The following EPHA3 variants were observed in gnomAD, a reference collection of about 807,000 sequenced individuals.
The protein encoded by EPHA3 is ephrin type-A receptor 3.
In EPHA3, 42 loss-of-function variants were observed where a neutral mutation model predicts 107.1. The observed-to-expected ratio is 0.39, with a 90% CI of 0.31 to 0.51. The LOEUF is 0.51. Among genes scored for constraint, EPHA3 ranks in the 20% least tolerant of loss-of-function variants. The pLI is 0.78. For synonymous variants in EPHA3, 461 were observed against 424.8 expected (o/e 1.09, Z -1.05); for missense variants, 1,183 against 1,211.2 (o/e 0.98, Z 0.35).
chr3:89,208,588 G>A (rs1281988009), intron 2 of EPHA3, among the ~76,000 whole-genome samples: 2 of 114,246 alleles, frequency 1.8e-5, no homozygotes, highest in Non-Finnish European at 4.0e-5. Context: ...AAGAAAGAAA[G>A]AAAGGGAAGG....
At chr3:89,370,999 C>T (rs960627793) in intron 5 of EPHA3, among the ~76,000 whole-genome samples, 1 of 151,538 alleles carries the variant, frequency 6.6e-6, no homozygotes, top group African/African-American at 2.4e-5. Context: ...AATAAAAGAA[C>T]TACCAAGGAA....
intron 2 of EPHA3, among the ~76,000 whole-genome samples, chr3:89,179,013 A>C (rs1705380012): frequency 6.6e-6 from 1 of 151,836 alleles, no homozygotes; most frequent in Non-Finnish European, 1.5e-5. Context: ...TAAAAGCAAA[A>C]TGGTACAAAC....
chr3:89,345,500 C>A (rs1193965123), intron 5 of EPHA3, among the ~76,000 whole-genome samples: 1 of 151,042 alleles, frequency 6.6e-6, no homozygotes, highest in African/African-American at 2.4e-5. Flanking sequence ...ATTCCACGTG[C>A]TTTATCCGTC....
intron 2 of EPHA3, among the ~76,000 whole-genome samples, chr3:89,144,882 AAT>A: frequency 6.6e-6 from 1 of 151,858 alleles, no homozygotes; most frequent in East Asian, 1.9e-4. Flanking sequence ...TACCAATTGA[AAT>A]ATACCAGTTT....
chr3:89,340,777 A>T, intron 3 of EPHA3, 139 bp from the exon 4 acceptor site: 2 of 841,712 alleles, frequency 2.4e-6, no homozygotes, highest in Non-Finnish European at 1.7e-6. Flanking sequence ...AGGCTCTGTC[A>T]TTTGCTTCTG....
intron 3 of EPHA3, among the ~76,000 whole-genome samples, chr3:89,322,049 A>G (rs1458533728): frequency 2.0e-5 from 3 of 151,986 alleles, no homozygotes; most frequent in East Asian, 1.9e-4. Context: ...GATTATTCAA[A>G]TGAGTCTACT....
At chr3:89,318,235 A>G (rs1263200423) in intron 3 of EPHA3, among the ~76,000 whole-genome samples, 1 of 151,912 alleles carries the variant, frequency 6.6e-6, no homozygotes, top group Non-Finnish European at 1.5e-5. Flanking sequence ...AGAAAGCCAT[A>G]TTGTTGATGA....
chr3:89,191,052 T>A (rs7637578), intron 2 of EPHA3, among the ~76,000 whole-genome samples: 21,584 of 152,076 alleles, frequency 0.14, 1,676 homozygotes, highest in African/African-American at 0.21. Context: ...CATTTTATTC[T>A]TTTTATTGGA....
chr3:89,322,272 G>T (rs1388361935), intron 3 of EPHA3, among the ~76,000 whole-genome samples: 1 of 152,048 alleles, frequency 6.6e-6, no homozygotes, highest in Admixed American at 6.6e-5. Context: ...GCCAATTATT[G>T]CCATATGTGA....
chr3:89,132,356 T>A (rs1182249702), intron 2 of EPHA3, among the ~76,000 whole-genome samples: 3 of 152,188 alleles, frequency 2.0e-5, no homozygotes, highest in Non-Finnish European at 4.4e-5. Context: ...GGATAGAATG[T>A]TTTATCTTTG....
chr3:89,146,358 CA>C (rs370535496), intron 2 of EPHA3, among the ~76,000 whole-genome samples: 19 of 150,942 alleles, frequency 1.3e-4, no homozygotes, highest in East Asian at 5.9e-4. Flanking sequence ...TCAGATAGGC[CA>C]AAAAAAAGTC....
chr3:89,326,702 G>T (rs1707173114), intron 3 of EPHA3, among the ~76,000 whole-genome samples: 1 of 146,564 alleles, frequency 6.8e-6, no homozygotes, highest in Admixed American at 6.9e-5. Context: ...TGACTAGCCA[G>T]TTTTTTTTTT....
chr3:89,290,201 G>A (rs1706179279), intron 3 of EPHA3, among the ~76,000 whole-genome samples: 1 of 152,030 alleles, frequency 6.6e-6, no homozygotes, highest in South Asian at 2.1e-4. Context: ...TTTTATATAA[G>A]TGCAGATAAG....
chr3:89,178,909 T>C lies in EPHA3; in HGVS notation c.154-30951T>C, dbSNP rs1705377580. Among the ~76,000 whole-genome samples the C allele has an allele frequency of 3.3e-5, 5 of 151,860 alleles. No individual in the cohort carries two copies. In the South Asian group the frequency reaches 1.0e-3, roughly 31 times the overall value. On this transcript the variant is annotated intron_variant, in intron 2 of 16. Transcript: ENST00000336596. ...TCATAATTTTATTGCTTTTATCCAT[T>C]GTGTATTAAATCATAATAAGGTAGT...
At chr3:89,353,893 A>C (rs113091631) in intron 5 of EPHA3, among the ~76,000 whole-genome samples, 1 of 151,352 alleles carries the variant, frequency 6.6e-6, no homozygotes, top group Non-Finnish European at 1.5e-5. Flanking sequence ...TTCTGGTTTT[A>C]TATACGACTC....
At chr3:89,392,296 G>C (rs1430455754) in intron 5 of EPHA3, among the ~76,000 whole-genome samples, 4 of 152,064 alleles carry the variant, frequency 2.6e-5, no homozygotes, top group Admixed American at 6.6e-5. Flanking sequence ...AAAATTAGCT[G>C]GGTGTGGTGG....
chr3:89,131,998 T>A (rs1388963717), intron 2 of EPHA3, among the ~76,000 whole-genome samples: 2 of 152,312 alleles, frequency 1.3e-5, no homozygotes, highest in Admixed American at 6.5e-5. Context: ...TTGGAACTAA[T>A]CATGACCATG....
chr3:89,408,198 A>G (rs1416226997), intron 9 of EPHA3, 67 bp downstream of exon 9: 10 of 1,478,308 alleles, frequency 6.8e-6, no homozygotes, highest in Non-Finnish European at 9.4e-6. Context: ...TTGATTTACA[A>G]TTGGTTAACT....
At chr3:89,343,490 G>A (rs1328215808) in intron 5 of EPHA3, among the ~76,000 whole-genome samples, 2 of 152,110 alleles carry the variant, frequency 1.3e-5, no homozygotes, top group African/African-American at 4.8e-5. Flanking sequence ...AGCAACCAAA[G>A]GGATAAATCT....
Sources: allele counts gnomAD v4.1 joint callset (sites outside exome capture counted in the v4.1 genomes callset), GRCh38; gene constraint gnomAD v4.1.1; transcripts MANE v1.5; gene names NCBI Gene and HGNC (gene_info 2026-07-23, HGNC 2026-07-21).